Variants in ESRRG observed in about 807,000 individuals in gnomAD.
ESRRG encodes the protein estrogen related receptor gamma, also known as estrogen-related receptor gamma.
In ESRRG, 13 loss-of-function variants were observed where a neutral mutation model predicts 44.0. The ratio of observed to expected loss-of-function variants is 0.30; its 90% confidence interval spans 0.19 to 0.47. The LOEUF (loss-of-function observed/expected upper bound fraction) is 0.47. Ranked by LOEUF, ESRRG falls within the 20% of genes least tolerant of loss-of-function variation. The pLI is 1.00. For missense variants in ESRRG, 395 were observed against 580.6 expected (o/e 0.68, Z 3.29); for synonymous variants, 215 against 214.6 (o/e 1.00, Z -0.02).
At chr1:216,765,681 A>T (rs2093038367) in intron 2 of ESRRG, among the ~76,000 whole-genome samples, 1 of 152,144 alleles carries the variant, frequency 6.6e-6, no homozygotes, top group African/African-American at 2.4e-5. Context: ...TGAGGAAAAC[A>T]TGAAACATGA....
At chr1:217,114,932 G>A (rs1448182127) in intron 1 of ESRRG, among the ~76,000 whole-genome samples, 1 of 152,060 alleles carries the variant, frequency 6.6e-6, no homozygotes, top group Non-Finnish European at 1.5e-5. Context: ...CAAAGTGCTG[G>A]GATTACAGCT....
At chr1:216,582,174 A>G (rs1214125678) in intron 3 of ESRRG, among the ~76,000 whole-genome samples, 1 of 152,232 alleles carries the variant, frequency 6.6e-6, no homozygotes, top group Non-Finnish European at 1.5e-5. Flanking sequence ...TATAAAATAC[A>G]TGTGTTTTCA....
chr1:216,797,547 A>AG (rs1257721628), intron 2 of ESRRG, among the ~76,000 whole-genome samples: 3 of 152,100 alleles, frequency 2.0e-5, no homozygotes, highest in East Asian at 3.9e-4. Context: ...GGTTACGTAA[A>AG]GGGGGGAAAA....
chr1:216,792,084 A>G (rs550693352), intron 2 of ESRRG, among the ~76,000 whole-genome samples: 6 of 152,228 alleles, frequency 3.9e-5, no homozygotes, highest in Non-Finnish European at 8.8e-5. Flanking sequence ...CTTATAAATA[A>G]CATATGCATC....
chr1:217,103,205 G>A (rs1484274446), intron 1 of ESRRG, among the ~76,000 whole-genome samples: 1 of 152,138 alleles, frequency 6.6e-6, no homozygotes, highest in Non-Finnish European at 1.5e-5. Flanking sequence ...TTGATCGAGA[G>A]TAGAGGAATG....
At chr1:216,815,117 G>A (rs1156787533) in intron 2 of ESRRG, among the ~76,000 whole-genome samples, 1 of 152,120 alleles carries the variant, frequency 6.6e-6, no homozygotes, top group Non-Finnish European at 1.5e-5. Flanking sequence ...TCTATTCTGG[G>A]CCAAGTGGTC....
At chr1:217,120,224 G>T (rs2092801583) in intron 1 of ESRRG, among the ~76,000 whole-genome samples, 1 of 151,878 alleles carries the variant, frequency 6.6e-6, no homozygotes, top group Non-Finnish European at 1.5e-5. Context: ...AGGAATACTG[G>T]AACCATTCTT....
At chr1:216,912,542 C>T (rs2060601421) in intron 2 of ESRRG, among the ~76,000 whole-genome samples, 1 of 152,060 alleles carries the variant, frequency 6.6e-6, no homozygotes, top group African/African-American at 2.4e-5. Flanking sequence ...TCAAGTCAGT[C>T]TCTTTTACAT....
intron 2 of ESRRG, among the ~76,000 whole-genome samples, chr1:216,854,074 T>C (rs1252772776): frequency 2.0e-5 from 3 of 152,044 alleles, no homozygotes; most frequent in African/African-American, 7.2e-5. Flanking sequence ...GCTCCCTAGA[T>C]GTGGCAGGGT....
chr1:216,698,401 C>A (rs1163420597), intron 1 of ESRRG, among the ~76,000 whole-genome samples: 1 of 151,684 alleles, frequency 6.6e-6, no homozygotes, highest in Non-Finnish European at 1.5e-5. Context: ...CGCCTGTAGT[C>A]CCAGCTACTC....
chr1:217,101,693 G>C (rs2092514514), intron 1 of ESRRG, among the ~76,000 whole-genome samples: 1 of 151,960 alleles, frequency 6.6e-6, no homozygotes, highest in African/African-American at 2.4e-5. Flanking sequence ...ACACCCACAT[G>C]CATATTCATT....
At chr1:217,033,444 T>G (rs1200988942) in intron 1 of ESRRG, among the ~76,000 whole-genome samples, 1 of 152,192 alleles carries the variant, frequency 6.6e-6, no homozygotes, top group Non-Finnish European at 1.5e-5. Context: ...TGAACTCCTT[T>G]TATGTCAAAG....
chr1:216,899,496 C>A (rs535064688), intron 2 of ESRRG, among the ~76,000 whole-genome samples: 1 of 152,260 alleles, frequency 6.6e-6, no homozygotes, highest in South Asian at 2.1e-4. Context: ...AGAAATACTT[C>A]ATTTATGTTT....
At chr1:216,899,917 T>C (rs1463883336) in intron 2 of ESRRG, among the ~76,000 whole-genome samples, 1 of 152,124 alleles carries the variant, frequency 6.6e-6, no homozygotes, top group African/African-American at 2.4e-5. Context: ...TCTCTGGATG[T>C]GGAGCCATAA....
chr1:216,907,578 AG>A (rs1387471440), intron 2 of ESRRG, among the ~76,000 whole-genome samples: 1 of 152,214 alleles, frequency 6.6e-6, no homozygotes, highest in Admixed American at 6.5e-5. Flanking sequence ...TGAAGAGCCA[AG>A]GAATAGCGCC....
intron 1 of ESRRG, among the ~76,000 whole-genome samples, chr1:217,076,445 A>G (rs545557170): frequency 6.6e-6 from 1 of 152,330 alleles, no homozygotes; most frequent in Admixed American, 6.5e-5. Flanking sequence ...TTGAAGGCAA[A>G]TTTATGAATA....
At chr1:216,790,226 C>G (rs1440837146) in intron 2 of ESRRG, among the ~76,000 whole-genome samples, 3 of 152,142 alleles carry the variant, frequency 2.0e-5, no homozygotes, top group Non-Finnish European at 4.4e-5. Context: ...ATATTATTTA[C>G]TCCACACTAT....
chr1:216,991,011 G>A (rs1409052778), intron 1 of ESRRG, among the ~76,000 whole-genome samples: 4 of 152,070 alleles, frequency 2.6e-5, no homozygotes, highest in Admixed American at 2.0e-4. Context: ...GTGAGTGACA[G>A]GGAGGCGAGC....
chr1:216,800,193 G>GAAACCATTA (rs1229750001), intron 2 of ESRRG, among the ~76,000 whole-genome samples: 1 of 152,112 alleles, frequency 6.6e-6, no homozygotes, highest in East Asian at 1.9e-4. Flanking sequence ...GCCCAGTCAG[G>GAAACCATTA]AAACCATTAA....
Sources: allele counts gnomAD v4.1 joint callset (sites outside exome capture counted in the v4.1 genomes callset), GRCh38; gene constraint gnomAD v4.1.1; transcripts MANE v1.5; gene names NCBI Gene and HGNC (gene_info 2026-07-23, HGNC 2026-07-21).